The following PAM variants were observed in gnomAD, a reference collection of about 807,000 sequenced individuals.
The protein encoded by PAM is peptidylglycine alpha-amidating monooxygenase, also known as peptidyl-glycine alpha-amidating monooxygenase.
In PAM, 72 loss-of-function variants were observed where a neutral mutation model predicts 122.1. That is an observed-to-expected ratio of 0.59 (90% CI 0.49 to 0.72). PAM has a LOEUF of 0.72. PAM is among the 30% of genes least tolerant of loss of function. The pLI, the probability that PAM is intolerant of heterozygous loss-of-function variation, is 0.00. For missense variants in PAM, 1,106 were observed against 1,183.7 expected (o/e 0.93, Z 0.96); for synonymous variants, 389 against 404.4 (o/e 0.96, Z 0.46).
intron 1 of PAM, among the ~76,000 whole-genome samples, chr5:102,814,346 AT>A (rs1390352171): frequency 6.6e-6 from 1 of 152,090 alleles, no homozygotes; most frequent in East Asian, 1.9e-4. Context: ...TGTTTACCTT[AT>A]TGCCAAAAGT....
intron 7 of PAM, among the ~76,000 whole-genome samples, chr5:102,927,043 C>T (rs934368508): frequency 6.6e-6 from 1 of 152,000 alleles, no homozygotes; most frequent in African/African-American, 2.4e-5. Context: ...AGCAAGCCAC[C>T]GAGAGTCTAT....
chr5:102,924,764 A>G (rs1332753180), intron 5 of PAM, among the ~76,000 whole-genome samples, 193 bp from the exon 6 acceptor site: 1 of 151,306 alleles, frequency 6.6e-6, no homozygotes, highest in African/African-American at 2.4e-5. Context: ...TTCCTCTTTT[A>G]TGTGCTTTTT....
intron 14 of PAM, among the ~76,000 whole-genome samples, chr5:102,963,464 A>G (rs1763115230): frequency 6.6e-6 from 1 of 152,038 alleles, no homozygotes; most frequent in African/African-American, 2.4e-5. Flanking sequence ...TTTTTAAAGT[A>G]AGCCCTCAAA....
chr5:103,008,050 AT>A (rs950821745), intron 20 of PAM, among the ~76,000 whole-genome samples: 3 of 152,064 alleles, frequency 2.0e-5, no homozygotes, highest in Non-Finnish European at 2.9e-5. Flanking sequence ...GTAGTGACCA[AT>A]TTTTTTAAAG....
At chr5:102,813,989 T>C (rs1768797821) in intron 1 of PAM, among the ~76,000 whole-genome samples, 1 of 152,326 alleles carries the variant, frequency 6.6e-6, no homozygotes, top group East Asian at 1.9e-4. Context: ...TTGCTTACTG[T>C]TTGTCATAGA....
At chr5:102,876,864 GTCTT>G (rs1789386898) in intron 3 of PAM, among the ~76,000 whole-genome samples, 2 of 121,226 alleles carry the variant, frequency 1.6e-5, no homozygotes, top group African/African-American at 1.1e-4. Flanking sequence ...GCAGCCTTGA[GTCTT>G]GTCTTCTCAA....
At chr5:102,973,027 TATC>T (rs976339704) in intron 14 of PAM, among the ~76,000 whole-genome samples, 5 of 152,358 alleles carry the variant, frequency 3.3e-5, no homozygotes, top group African/African-American at 1.2e-4. Flanking sequence ...CTAAACCAGT[TATC>T]ATTTTCATTT....
chr5:102,978,380 A>G (rs1018458525), intron 15 of PAM, among the ~76,000 whole-genome samples: 1 of 152,240 alleles, frequency 6.6e-6, no homozygotes, highest in Non-Finnish European at 1.5e-5. Flanking sequence ...AGTATAGTTT[A>G]GTTTCTATCA....
chr5:102,897,089 A>G (rs988146321), intron 3 of PAM, among the ~76,000 whole-genome samples: 3 of 151,648 alleles, frequency 2.0e-5, no homozygotes, highest in African/African-American at 4.8e-5. Context: ...CATAATCAAA[A>G]TTCTGGCCAA....
At chr5:102,907,593 G>C (rs1453656194) in intron 4 of PAM, among the ~76,000 whole-genome samples, 2 of 150,590 alleles carry the variant, frequency 1.3e-5, no homozygotes, top group Non-Finnish European at 3.0e-5. Flanking sequence ...CACCAACAGT[G>C]TAAAAGTGTT....
Position 103,000,042 on chromosome 5 carries a change from C to A in PAM, c.1614-2991C>A, listed in dbSNP as rs1309714420. Reference sequence around the variant, plus strand: ...TCTTTTCTATCACATCATCAGGCTGCAAATTTTCCAAACCTTTATGCTCTG... The same window carrying A: ...TCTTTTCTATCACATCATCAGGCTGAAAATTTTCCAAACCTTTATGCTCTG... On this transcript the variant is annotated intron_variant, in intron 16 of 25. Coordinates refer to ENST00000438793, the MANE Select transcript of PAM (RefSeq NM_001177306.2). Among the ~76,000 whole-genome samples, 3 of 152,202 alleles carry A rather than the reference C, an allele frequency of 2.0e-5. No homozygotes were observed. The East Asian group carries it at 5.8e-4, about 29-fold the overall frequency.
chr5:102,790,504 A>G lies in PAM; in HGVS notation c.-374+35156A>G, dbSNP rs144248977. On this transcript the variant is annotated intron_variant, in intron 1 of 25. Transcript: ENST00000438793. ...TGGTTCTTATGAGGATGATTTGACTATTATCCTGGGAATAGATCTAAGTGA... is the reference window on the plus strand; with the variant it reads ...TGGTTCTTATGAGGATGATTTGACTGTTATCCTGGGAATAGATCTAAGTGA... Among the ~76,000 whole-genome samples the G allele has an allele frequency of 1.9e-3, 282 of 152,146 alleles. 2 individuals carry two copies. The highest frequency in any genetic ancestry group is 9.1e-3 in the South Asian group (44 of 4,828).
intron 21 of PAM, among the ~76,000 whole-genome samples, chr5:103,013,936 AG>A (rs1781316172): frequency 6.6e-6 from 1 of 152,180 alleles, no homozygotes; most frequent in African/African-American, 2.4e-5. Flanking sequence ...TCACCAGAAA[AG>A]CAATAGGCAA....
At chr5:102,827,264 A>G (rs1288260588) in intron 1 of PAM, among the ~76,000 whole-genome samples, 1 of 152,180 alleles carries the variant, frequency 6.6e-6, no homozygotes, top group Non-Finnish European at 1.5e-5. Flanking sequence ...TTCTGATTTC[A>G]GATTTTCAGA....
chr5:102,775,793 A>G (rs1219686679), intron 1 of PAM, among the ~76,000 whole-genome samples: 3 of 152,142 alleles, frequency 2.0e-5, no homozygotes, highest in Non-Finnish European at 4.4e-5. Flanking sequence ...TAGTGCTGCA[A>G]TAAACATATG....
chr5:102,955,108 C>T (rs1188767731), intron 12 of PAM, among the ~76,000 whole-genome samples: 1 of 151,980 alleles, frequency 6.6e-6, no homozygotes, highest in African/African-American at 2.4e-5. Context: ...TGCCTATTTT[C>T]AAGCCTAACA....
intron 7 of PAM, among the ~76,000 whole-genome samples, chr5:102,927,549 G>A (rs2151752993): frequency 6.6e-6 from 1 of 152,138 alleles, no homozygotes; most frequent in African/African-American, 2.4e-5. Context: ...AACTAAGTTT[G>A]GAAGTAGATG....
rs557114242 is a variant in PAM at position 102,795,146 on chromosome 5, C to T, written c.-374+39798C>T. On this transcript the variant is annotated intron_variant, in intron 1 of 25. Coordinates refer to ENST00000438793, the MANE Select transcript of PAM (RefSeq NM_001177306.2). ...TTGAGGCCATAGTGAGTCATGATGG[C>T]ACCACTGCACTCCAGCCAGGGTGAC... 4.0e-5 allele frequency among the ~76,000 whole-genome samples: 5 copies of T among 125,922 alleles called. 1 individual carries two copies. In the South Asian group the frequency reaches 1.3e-3, roughly 32 times the overall value. 82.6% of individuals were successfully genotyped at this position (125,922 alleles called of 152,430 possible).
intron 15 of PAM, among the ~76,000 whole-genome samples, chr5:102,976,439 T>C (rs1301688737): frequency 6.6e-6 from 1 of 152,162 alleles, no homozygotes; most frequent in Non-Finnish European, 1.5e-5. Flanking sequence ...GTTATTAGCA[T>C]ATAAGGCCCT....
Sources: allele counts gnomAD v4.1 joint callset (sites outside exome capture counted in the v4.1 genomes callset), GRCh38; gene constraint gnomAD v4.1.1; transcripts MANE v1.5; gene names NCBI Gene and HGNC (gene_info 2026-07-23, HGNC 2026-07-21).